The following LRRC4C variants were observed in gnomAD, a reference collection of about 807,000 sequenced individuals.
LRRC4C encodes leucine rich repeat containing 4C, also known as leucine-rich repeat-containing protein 4C.
A neutral mutation model predicts 33.6 loss-of-function variants in LRRC4C; 5 were observed. That is an observed-to-expected ratio of 0.15 (90% CI 0.08 to 0.31). LRRC4C has a LOEUF of 0.31. LRRC4C is among the 10% of genes least tolerant of loss of function. The pLI is 1.00. For missense variants in LRRC4C, 560 were observed against 796.7 expected, an observed-to-expected ratio of 0.70 and a Z score of 3.58; for synonymous variants, 329 against 302.0, an observed-to-expected ratio of 1.09 and a Z score of -0.93.
intron 3 of LRRC4C, among the ~76,000 whole-genome samples, chr11:40,500,996 C>T (rs1050069881): frequency 5.9e-5 from 9 of 152,154 alleles, no homozygotes; most frequent in African/African-American, 2.2e-4. Flanking sequence ...GTAAATACAG[C>T]CATTCCAAAT....
chr11:40,778,650 T>A (rs1487176120), intron 2 of LRRC4C, among the ~76,000 whole-genome samples: 1 of 152,140 alleles, frequency 6.6e-6, no homozygotes, highest in Non-Finnish European at 1.5e-5. Context: ...AAAAAGGGGC[T>A]GGCTAAATAG....
intron 1 of LRRC4C, among the ~76,000 whole-genome samples, chr11:40,969,066 T>G (rs1169333625): frequency 6.6e-6 from 1 of 152,128 alleles, no homozygotes. Context: ...TCATGATTCA[T>G]GAAAAGAGGT....
intron 1 of LRRC4C, among the ~76,000 whole-genome samples, chr11:41,437,713 A>G (rs1415986120): frequency 6.6e-6 from 1 of 152,032 alleles, no homozygotes; most frequent in Non-Finnish European, 1.5e-5. Context: ...TTTTTGCGCT[A>G]AAGAGTATGT....
intron 1 of LRRC4C, among the ~76,000 whole-genome samples, chr11:41,383,426 T>A (rs1037159): frequency 1.3e-5 from 2 of 152,018 alleles, no homozygotes; most frequent in African/African-American, 4.8e-5. Context: ...GGCCACAATT[T>A]TGTGCCATAA....
intron 5 of LRRC4C, among the ~76,000 whole-genome samples, chr11:40,194,077 C>A (rs868378148): frequency 6.6e-6 from 1 of 152,082 alleles, no homozygotes. Context: ...GCAAGACAGG[C>A]CAACATTCAA....
intron 1 of LRRC4C, among the ~76,000 whole-genome samples, chr11:40,981,409 G>C (rs1852526820): frequency 6.8e-6 from 1 of 146,706 alleles, no homozygotes; most frequent in Non-Finnish European, 1.5e-5. Flanking sequence ...GCAAGACTCC[G>C]TCTCAAAAAA....
chr11:40,229,772 G>A (rs1201504401), intron 5 of LRRC4C, among the ~76,000 whole-genome samples: 1 of 152,132 alleles, frequency 6.6e-6, no homozygotes, highest in East Asian at 1.9e-4. Flanking sequence ...GCCTGCAAGG[G>A]GGACTGGCTG....
At chr11:41,117,977 G>A (rs1245166536) in intron 1 of LRRC4C, among the ~76,000 whole-genome samples, 2 of 152,100 alleles carry the variant, frequency 1.3e-5, no homozygotes, top group East Asian at 1.9e-4. Flanking sequence ...ACATTTAAAT[G>A]TTAAAGGTGA....
At chr11:40,693,421 A>G (rs970882659) in intron 2 of LRRC4C, among the ~76,000 whole-genome samples, 1 of 152,126 alleles carries the variant, frequency 6.6e-6, no homozygotes, top group Non-Finnish European at 1.5e-5. Flanking sequence ...TGATTGAGTG[A>G]AATGTGTATC....
At chr11:41,433,642 T>C (rs2138445019) in intron 1 of LRRC4C, among the ~76,000 whole-genome samples, 1 of 152,088 alleles carries the variant, frequency 6.6e-6, no homozygotes, top group East Asian at 1.9e-4. Context: ...TCCCAGCTTA[T>C]ATCTTTCTCC....
chr11:41,454,360 G>T (rs777141188), intron 1 of LRRC4C, among the ~76,000 whole-genome samples: 2 of 152,048 alleles, frequency 1.3e-5, no homozygotes, highest in African/African-American at 2.4e-5. Context: ...AAATTCCAAG[G>T]GGCCGCCTTT....
intron 1 of LRRC4C, among the ~76,000 whole-genome samples, chr11:40,962,024 A>G (rs1333174897): frequency 6.6e-6 from 1 of 151,458 alleles, no homozygotes; most frequent in Non-Finnish European, 1.5e-5. Flanking sequence ...AAATATTTAC[A>G]CTCTGGCCTG....
chr11:40,578,499 C>A (rs189770109), intron 3 of LRRC4C, among the ~76,000 whole-genome samples: 1 of 151,932 alleles, frequency 6.6e-6, no homozygotes, highest in African/African-American at 2.4e-5. Flanking sequence ...AGATGACTTA[C>A]CTCTCTTTTT....
At chr11:41,448,574 G>C (rs1955916389) in intron 1 of LRRC4C, among the ~76,000 whole-genome samples, 1 of 152,068 alleles carries the variant, frequency 6.6e-6, no homozygotes, top group African/African-American at 2.4e-5. Context: ...CCAAAGTGCT[G>C]TGATTACAGG....
Position 41,148,861 on chromosome 11 carries a change from T to C in LRRC4C, c.-495-215138A>G, listed in dbSNP as rs570762188. On this transcript the variant is annotated intron_variant, in intron 1 of 6. Coordinates refer to ENST00000528697, the MANE Select transcript of LRRC4C (RefSeq NM_001258419.2). ...TATGTAAAATCCTGAGCCCAGTATCTGGCATACAATGATAATTACGTTAGC... is the reference window on the plus strand; with the variant it reads ...TATGTAAAATCCTGAGCCCAGTATCCGGCATACAATGATAATTACGTTAGC... 3.5e-3 allele frequency among the ~76,000 whole-genome samples: 540 copies of C among 152,306 alleles called. 3 individuals are homozygous for C. The highest frequency in any genetic ancestry group is 5.8e-3 in the Non-Finnish European group (395 of 68,038).
At chr11:40,616,923 CAAAAA>C (rs949895416) in intron 3 of LRRC4C, among the ~76,000 whole-genome samples, 1 of 143,842 alleles carries the variant, frequency 7.0e-6, no homozygotes, top group African/African-American at 2.6e-5. Context: ...AAAAAACTGC[CAAAAA>C]AAAAAGAAAG....
At chr11:41,385,010 T>C (rs1424577887) in intron 1 of LRRC4C, among the ~76,000 whole-genome samples, 3 of 150,768 alleles carry the variant, frequency 2.0e-5, no homozygotes, top group Admixed American at 2.0e-4. Flanking sequence ...AAAGCATTAG[T>C]AGAGCTAAAT....
At position 40,307,584 on chromosome 11, in the gene LRRC4C, C is replaced by T. The variant is rs372389320; in HGVS notation, c.-176+12044G>A. 2.6e-5 allele frequency among the ~76,000 whole-genome samples: 4 copies of T among 152,284 alleles called. No individual in the cohort carries two copies. The South Asian group carries it at 8.3e-4, about 32-fold the overall frequency. On this transcript the variant is annotated intron_variant, in intron 4 of 6. Coordinates refer to ENST00000528697, the MANE Select transcript of LRRC4C (RefSeq NM_001258419.2). ...GTTCAATCACGACCTTTGCCTTCTGCCATGTTGTATAGTTATGTATATAAT... is the reference window on the plus strand; with the variant it reads ...GTTCAATCACGACCTTTGCCTTCTGTCATGTTGTATAGTTATGTATATAAT...
At chr11:40,212,552 A>G (rs1228740572) in intron 5 of LRRC4C, among the ~76,000 whole-genome samples, 1 of 152,180 alleles carries the variant, frequency 6.6e-6, no homozygotes, top group Non-Finnish European at 1.5e-5. Flanking sequence ...ATCTCTTCCA[A>G]TATGTACAAA....
Sources: allele counts gnomAD v4.1 joint callset (sites outside exome capture counted in the v4.1 genomes callset), GRCh38; gene constraint gnomAD v4.1.1; transcripts MANE v1.5; gene names NCBI Gene and HGNC (gene_info 2026-07-23, HGNC 2026-07-21).